PLEKHH2: variants seen among roughly 807,000 people sequenced by gnomAD.
PLEKHH2 encodes pleckstrin homology, MyTH4 and FERM domain containing H2, also known as pleckstrin homology domain-containing family H member 2.
A neutral mutation model predicts 187.9 loss-of-function variants in PLEKHH2; 129 were observed. The ratio of observed to expected loss-of-function variants is 0.69; its 90% CI spans 0.59 to 0.79. The LOEUF is 0.79. Ranked by LOEUF, PLEKHH2 falls within the 30% of genes least tolerant of loss-of-function variation. The probability of loss-of-function intolerance (pLI) is 0.00; values close to 1 mark genes in which losing one functional copy is unlikely to be tolerated. For missense variants in PLEKHH2, 2,076 were observed against 1,751.2 expected (o/e 1.19, Z -3.31); for synonymous variants, 686 against 605.6 (o/e 1.13, Z -1.95).
rs575826255 is a variant in PLEKHH2 at position 43,645,269 on chromosome 2, T to A, written c.123+473T>A. ...GCTAGAATTGAGTTTAAAATAATTATATGCTTTTCTAATCATGTAATTAGA... is the reference window on the plus strand; with the variant it reads ...GCTAGAATTGAGTTTAAAATAATTAAATGCTTTTCTAATCATGTAATTAGA... On this transcript the variant is annotated intron_variant, in intron 2 of 29. Coordinates refer to ENST00000282406, the MANE Select transcript of PLEKHH2 (RefSeq NM_172069.4). 2.6e-5 allele frequency among the ~76,000 whole-genome samples: 4 copies of A among 152,300 alleles called. 1 individual carries two copies. The South Asian group carries it at 6.2e-4, about 24-fold the overall frequency.
intron 3 of PLEKHH2, chr2:43,681,234 T>C (rs1162734593): frequency 4.6e-6 from 3 of 655,430 alleles, no homozygotes; most frequent in Non-Finnish European, 8.0e-6. Flanking sequence ...ATTAAAGCGA[T>C]CTTTTTTCCA....
intron 2 of PLEKHH2, chr2:43,676,062 C>T (rs1194704884): frequency 4.3e-6 from 7 of 1,613,750 alleles, no homozygotes; most frequent in African/African-American, 1.3e-5. Flanking sequence ...AGGTCTCTTT[C>T]AGTACAGCCC....
intron 24 of PLEKHH2, among the ~76,000 whole-genome samples, chr2:43,748,380 G>A (rs970769498): frequency 2.0e-5 from 3 of 152,232 alleles, no homozygotes; most frequent in African/African-American, 7.2e-5. Context: ...CAAGGTATCA[G>A]TGGCCCTTTG....
chr2:43,658,536 T>A (rs1327574762), intron 2 of PLEKHH2: 1 of 152,242 alleles, frequency 6.6e-6, no homozygotes, highest in African/African-American at 2.4e-5. Context: ...TGGCCTGGGA[T>A]GTAGTAATCT....
At chr2:43,734,578 G>A (rs552980500) in intron 19 of PLEKHH2, among the ~76,000 whole-genome samples, 1 of 152,290 alleles carries the variant, frequency 6.6e-6, no homozygotes, top group Admixed American at 6.5e-5. Flanking sequence ...TAAAATGGCT[G>A]TTATCGAAAA....
chr2:43,745,971 A>G lies in PLEKHH2; in HGVS notation c.3653+8A>G. 1.9e-6 allele frequency: 3 copies of G among 1,573,254 alleles called. No homozygotes were observed. In the South Asian group the frequency reaches 3.4e-5, roughly 18 times the overall value. ...TCTGACATACAAAAACAGGTGTGTA[A>G]TACTGCATCCAGATGCCAAAGTATG... On this transcript the variant is annotated splice_region_variant and intron_variant, in intron 24 of 29. Coordinates refer to ENST00000282406, the MANE Select transcript of PLEKHH2 (RefSeq NM_172069.4).
At chr2:43,721,179 T>C (rs914142173) in intron 16 of PLEKHH2, among the ~76,000 whole-genome samples, 2 of 152,188 alleles carry the variant, frequency 1.3e-5, no homozygotes, top group African/African-American at 2.4e-5. Context: ...ATCTGCCTGT[T>C]TATATTCTGT....
intron 14 of PLEKHH2, chr2:43,711,370 A>G: frequency 1.0e-6 from 1 of 985,410 alleles, no homozygotes; most frequent in African/African-American, 1.7e-5. Flanking sequence ...ATCATTTGTA[A>G]GTTTCTGAAA....
intron 15 of PLEKHH2, 42 bp from the exon 16 acceptor site, chr2:43,720,627 A>G: frequency 1.3e-6 from 2 of 1,599,892 alleles, no homozygotes; most frequent in Non-Finnish European, 1.7e-6. Context: ...AAGGTGTCAG[A>G]GTTCTGGGCT....
chr2:43,696,327 A>T (rs538873718), intron 6 of PLEKHH2, among the ~76,000 whole-genome samples: 1 of 152,018 alleles, frequency 6.6e-6, no homozygotes, highest in African/African-American at 2.4e-5. Context: ...GTTTTTTTTA[A>T]TTAGCTGGCC....
chr2:43,673,078 G>C (rs889449468), intron 2 of PLEKHH2, among the ~76,000 whole-genome samples: 1 of 151,968 alleles, frequency 6.6e-6, no homozygotes, highest in Non-Finnish European at 1.5e-5. Context: ...TTTTATTAGA[G>C]AGATTTTCAA....
intron 3 of PLEKHH2, among the ~76,000 whole-genome samples, chr2:43,686,410 T>C (rs1668510682): frequency 1.3e-5 from 2 of 152,242 alleles, no homozygotes; most frequent in Non-Finnish European, 2.9e-5. Flanking sequence ...TTGGTCAGGC[T>C]GGTCTCAAAC....
intron 19 of PLEKHH2, among the ~76,000 whole-genome samples, chr2:43,734,393 C>G (rs1016177158): frequency 1.3e-5 from 2 of 152,106 alleles, no homozygotes; most frequent in African/African-American, 2.4e-5. Context: ...TTAAATCATT[C>G]AACTCAATAG....
At chr2:43,641,259 A>T (rs1004191755) in intron 1 of PLEKHH2, among the ~76,000 whole-genome samples, 10 of 152,166 alleles carry the variant, frequency 6.6e-5, no homozygotes, top group Admixed American at 6.5e-4. Context: ...ACAAAAATTT[A>T]AAAATTTTTA....
intron 3 of PLEKHH2, among the ~76,000 whole-genome samples, chr2:43,691,599 C>G (rs546214061): frequency 2.6e-5 from 4 of 152,160 alleles, no homozygotes; most frequent in Non-Finnish European, 5.9e-5. Flanking sequence ...TGGGTTTCAC[C>G]AGGGACCTGC....
At chr2:43,755,315 C>T (rs1056341411) in intron 25 of PLEKHH2, among the ~76,000 whole-genome samples, 1 of 152,150 alleles carries the variant, frequency 6.6e-6, no homozygotes, top group African/African-American at 2.4e-5. Flanking sequence ...CTCACTTTGG[C>T]CCTTTTCCAC....
intron 5 of PLEKHH2, 129 bp from the exon 6 acceptor site, chr2:43,695,014 A>C: frequency 2.3e-6 from 1 of 429,698 alleles, no homozygotes; most frequent in South Asian, 8.8e-5. Context: ...AGATTTGTTT[A>C]TCATTTCCTT....
At chr2:43,754,402 G>A (rs535100405) in intron 25 of PLEKHH2, among the ~76,000 whole-genome samples, 1 of 151,546 alleles carries the variant, frequency 6.6e-6, no homozygotes, top group Non-Finnish European at 1.5e-5. Context: ...GGGCTTCAGG[G>A]TGGGGGAAGG....
At chr2:43,644,186 C>G (rs561216596) in intron 1 of PLEKHH2, among the ~76,000 whole-genome samples, 29 of 152,162 alleles carry the variant, frequency 1.9e-4, no homozygotes, top group African/African-American at 7.0e-4. Context: ...GCAATTGAAT[C>G]AAACTGTAAT....
Sources: allele counts gnomAD v4.1 joint callset (sites outside exome capture counted in the v4.1 genomes callset), GRCh38; gene constraint gnomAD v4.1.1; transcripts MANE v1.5; gene names NCBI Gene and HGNC (gene_info 2026-07-23, HGNC 2026-07-21).